RBMS3: variants seen among roughly 807,000 people sequenced by gnomAD.
RBMS3 encodes the protein RNA-binding motif, single-stranded-interacting protein 3.
RBMS3 carries 27 observed loss-of-function variants against 66.8 expected under a neutral mutation model. The ratio of observed to expected loss-of-function variants is 0.40; its 90% confidence interval spans 0.30 to 0.56. The LOEUF is 0.56. Ranked by LOEUF, RBMS3 falls within the 20% of genes least tolerant of loss-of-function variation. The probability of loss-of-function intolerance (pLI) is 0.40; values close to 1 mark genes in which losing one functional copy is unlikely to be tolerated. For synonymous variants in RBMS3, 188 were observed against 183.0 expected (o/e 1.03, Z -0.22); for missense variants, 513 against 549.5 (o/e 0.93, Z 0.66).
At chr3:29,744,310 T>C (rs539175660) in intron 5 of RBMS3, among the ~76,000 whole-genome samples, 58 of 152,310 alleles carry the variant, frequency 3.8e-4, no homozygotes, top group Admixed American at 7.2e-4. Flanking sequence ...GAAATCACTT[T>C]AAGGTTTTGG....
At chr3:29,871,005 A>G (rs2059478509) in intron 7 of RBMS3, among the ~76,000 whole-genome samples, 1 of 152,090 alleles carries the variant, frequency 6.6e-6, no homozygotes, top group Non-Finnish European at 1.5e-5. Flanking sequence ...CTGTGTGCCC[A>G]TCACTTTATA....
At chr3:29,890,365 T>A (rs1448150093) in intron 8 of RBMS3, among the ~76,000 whole-genome samples, 1 of 151,646 alleles carries the variant, frequency 6.6e-6, no homozygotes, top group African/African-American at 2.4e-5. Flanking sequence ...ATATTATTCC[T>A]CATTCGCATT....
chr3:29,445,244 C>T, intron 2 of RBMS3, among the ~76,000 whole-genome samples: 1 of 151,988 alleles, frequency 6.6e-6, no homozygotes, highest in East Asian at 1.9e-4. Context: ...TTAGATGCTA[C>T]ATCCAATGTT....
intron 6 of RBMS3, among the ~76,000 whole-genome samples, chr3:29,770,434 C>T (rs989532500): frequency 6.6e-6 from 1 of 151,844 alleles, no homozygotes; most frequent in Non-Finnish European, 1.5e-5. Context: ...TCTATAGTTA[C>T]ATATGAAGCA....
intron 6 of RBMS3, among the ~76,000 whole-genome samples, chr3:29,828,020 A>T (rs2058253908): frequency 6.6e-6 from 1 of 151,884 alleles, no homozygotes; most frequent in Admixed American, 6.6e-5. Context: ...TTTTTGCTTC[A>T]GTAAGACCAT....
intron 4 of RBMS3, among the ~76,000 whole-genome samples, chr3:29,613,559 TA>T (rs1236334941): frequency 6.6e-6 from 1 of 152,106 alleles, no homozygotes; most frequent in Non-Finnish European, 1.5e-5. Flanking sequence ...TACTTTATGA[TA>T]AAATAGCATT....
chr3:29,359,442 G>C (rs929086120), intron 1 of RBMS3, among the ~76,000 whole-genome samples: 2 of 152,152 alleles, frequency 1.3e-5, no homozygotes, highest in African/African-American at 4.8e-5. Flanking sequence ...GCTGGATTCG[G>C]TTTGCCAGTA....
chr3:29,619,107 A>T (rs1380652784), intron 4 of RBMS3, among the ~76,000 whole-genome samples: 1 of 152,084 alleles, frequency 6.6e-6, no homozygotes. Context: ...ATGAGAACAC[A>T]TGGACACAGG....
intron 4 of RBMS3, among the ~76,000 whole-genome samples, chr3:29,675,402 C>G (rs1256561131): frequency 6.6e-6 from 1 of 151,070 alleles, no homozygotes; most frequent in Non-Finnish European, 1.5e-5. Flanking sequence ...AAAGCAATGG[C>G]AAAAAAAAGC....
chr3:29,598,541 C>G lies in RBMS3; in HGVS notation c.399+11336C>G, dbSNP rs75617324. On this transcript the variant is annotated intron_variant, in intron 4 of 14. Transcript: ENST00000383767. ...ACAAAAGTCCTGTTTTTCTTATTCTCTCTCCCTTACTTAACTTCTAGAAGA... is the reference window on the plus strand; with the variant it reads ...ACAAAAGTCCTGTTTTTCTTATTCTGTCTCCCTTACTTAACTTCTAGAAGA... 8.2e-3 allele frequency among the ~76,000 whole-genome samples: 1,251 copies of G among 152,134 alleles called. 20 individuals carry two copies. The highest frequency in any genetic ancestry group is 0.029 in the African/African-American group (1,195 of 41,524).
At chr3:29,422,611 T>G (rs563132663) in intron 1 of RBMS3, among the ~76,000 whole-genome samples, 62 of 152,044 alleles carry the variant, frequency 4.1e-4, no homozygotes, top group Non-Finnish European at 6.5e-4. Context: ...AAAATTATAA[T>G]AAATTTGATA....
chr3:29,679,766 C>CCG (rs1553641475), intron 4 of RBMS3, among the ~76,000 whole-genome samples: 3 of 89,390 alleles, frequency 3.4e-5, no homozygotes, highest in African/African-American at 1.8e-4. Context: ...TACTACTTGA[C>CCG]TGTATATATA....
intron 7 of RBMS3, among the ~76,000 whole-genome samples, chr3:29,869,970 T>G (rs1275974138): frequency 1.3e-5 from 2 of 152,190 alleles, no homozygotes; most frequent in Non-Finnish European, 2.9e-5. Context: ...TTTTTCAGTT[T>G]CTGTTTCTAA....
intron 5 of RBMS3, among the ~76,000 whole-genome samples, chr3:29,746,309 C>T (rs2054889228): frequency 6.6e-6 from 1 of 152,110 alleles, no homozygotes; most frequent in Non-Finnish European, 1.5e-5. Context: ...AATCCTTTTG[C>T]CGTTACTATT....
chr3:29,678,264 A>G (rs553972197), intron 4 of RBMS3, among the ~76,000 whole-genome samples: 16 of 152,278 alleles, frequency 1.1e-4, no homozygotes, highest in Non-Finnish European at 1.9e-4. Context: ...TTCAAAATAT[A>G]TGTTAAATAG....
At chr3:29,648,263 A>AC (rs1553636547) in intron 4 of RBMS3, among the ~76,000 whole-genome samples, 1 of 77,652 alleles carries the variant, frequency 1.3e-5, no homozygotes, top group Non-Finnish European at 2.4e-5. Flanking sequence ...GAAAATGTCT[A>AC]TTTTTTTTTT....
chr3:29,540,224 G>T (rs1205444199), intron 3 of RBMS3, among the ~76,000 whole-genome samples: 1 of 152,138 alleles, frequency 6.6e-6, no homozygotes, highest in Non-Finnish European at 1.5e-5. Flanking sequence ...AATCAAAACA[G>T]TAATAAGTGC....
intron 10 of RBMS3, among the ~76,000 whole-genome samples, chr3:29,902,431 G>A (rs763725801): frequency 6.6e-6 from 1 of 151,740 alleles, no homozygotes; most frequent in Non-Finnish European, 1.5e-5. Context: ...CACATTCATA[G>A]TGCTAATTAC....
intron 7 of RBMS3, among the ~76,000 whole-genome samples, chr3:29,882,317 C>G (rs1456968730): frequency 6.6e-6 from 1 of 151,588 alleles, no homozygotes; most frequent in Non-Finnish European, 1.5e-5. Flanking sequence ...TCTCCCATGG[C>G]AAAAAAACAA....
Sources: gnomAD v4.1 joint callset for allele counts (sites outside exome capture counted in the v4.1 genomes callset) on GRCh38, gnomAD v4.1.1 for gene constraint, MANE v1.5 for transcripts, NCBI Gene and HGNC (gene_info 2026-07-23, HGNC 2026-07-21) for gene names.